The following POTEC variants were observed in gnomAD, a reference collection of about 807,000 sequenced individuals.
The protein encoded by POTEC is ANKRD26-like family B member 2.
Under a neutral mutation model 62.0 loss-of-function variants are expected in POTEC, and 35 were observed. That is an observed-to-expected ratio of 0.56 (90% CI 0.43 to 0.75). The LOEUF is 0.75. Among genes scored for constraint, POTEC ranks in the 30% least tolerant of loss-of-function variants. The pLI, the probability that POTEC is intolerant of heterozygous loss-of-function variation, is 0.00. For missense variants in POTEC, 472 were observed against 655.9 expected (o/e 0.72, Z 3.06); for synonymous variants, 156 against 221.5 (o/e 0.70, Z 2.62).
At chr18:14,518,523 C>A (rs1279925349) in intron 9 of POTEC, among the ~76,000 whole-genome samples, 1 of 147,568 alleles carries the variant, frequency 6.8e-6, no homozygotes, top group Non-Finnish European at 1.5e-5. Context: ...TGATAAATCA[C>A]TTTGTTTCAC....
intron 7 of POTEC, among the ~76,000 whole-genome samples, chr18:14,523,814 T>G (rs1396932230): frequency 6.6e-6 from 1 of 152,132 alleles, no homozygotes; most frequent in African/African-American, 2.4e-5. Context: ...TTGTTACCAT[T>G]TGTTTGGACT....
intron 1 of POTEC, among the ~76,000 whole-genome samples, chr18:14,539,345 G>T (rs1272410770): frequency 2.0e-5 from 3 of 151,680 alleles, no homozygotes; most frequent in Non-Finnish European, 4.4e-5. Flanking sequence ...TGTGCCAAGG[G>T]GGTTGGTTGT....
intron 1 of POTEC, among the ~76,000 whole-genome samples, chr18:14,539,670 A>C (rs1245934910): frequency 6.6e-6 from 1 of 151,502 alleles, no homozygotes; most frequent in Admixed American, 6.6e-5. Flanking sequence ...TTAAGTTCTT[A>C]AAACAGCTAA....
chr18:14,533,966 C>T (rs1246992036), intron 4 of POTEC, among the ~76,000 whole-genome samples: 3 of 148,208 alleles, frequency 2.0e-5, no homozygotes, highest in East Asian at 4.0e-4. Flanking sequence ...GGTACATGTG[C>T]ACATTGTGCA....
intron 3 of POTEC, among the ~76,000 whole-genome samples, chr18:14,537,255 C>T (rs1905773943): frequency 6.8e-6 from 1 of 148,062 alleles, no homozygotes; most frequent in Admixed American, 6.8e-5. Context: ...GGTCTTTTCC[C>T]CCATTACCTA....
chr18:14,512,056 A>G (rs1338043156), intron 10 of POTEC, 63 bp from the exon 11 acceptor site: 11 of 1,270,258 alleles, frequency 8.7e-6, no homozygotes, highest in Non-Finnish European at 1.1e-5. Context: ...GATTTCTTCT[A>G]AAATTAAAGA....
intron 6 of POTEC, chr18:14,527,884 A>C (rs1910478379): frequency 6.6e-6 from 1 of 152,226 alleles, no homozygotes; most frequent in Non-Finnish European, 1.5e-5. Context: ...TACTAGTCCA[A>C]GGGTGTGTGA....
chr18:14,514,105 G>C (rs1226225758), intron 9 of POTEC, among the ~76,000 whole-genome samples: 2 of 151,736 alleles, frequency 1.3e-5, no homozygotes, highest in Non-Finnish European at 2.9e-5. Flanking sequence ...CCATCATGTA[G>C]AATCAGTGGG....
chr18:14,508,263 C>T lies in POTEC; in HGVS notation c.*3635G>A, dbSNP rs1463030556. On this transcript the variant is annotated 3_prime_UTR_variant, in exon 11 of 11. Coordinates refer to ENST00000358970, the MANE Select transcript of POTEC (RefSeq NM_001137671.2). ...ATTTCTCGGATGTTTTGTTCATTCC[C>T]TTTCATTCTTTTTTCCCCCATTCTT... 6.6e-6 allele frequency: 1 copy of T among 152,588 alleles called. No individual in the cohort carries two copies. Among genetic ancestry groups the T allele is most frequent in the Non-Finnish European group, 1.5e-5 (1 of 68,028 alleles). 9.5% of individuals were successfully genotyped at this position (152,588 alleles called of 1,614,324 possible). A position where few individuals can be genotyped will look rare whatever the true frequency, so the allele number is the denominator to read the frequency against.
At chr18:14,533,906 T>TTTTTTG (rs1905615973) in intron 4 of POTEC, among the ~76,000 whole-genome samples, 1 of 151,942 alleles carries the variant, frequency 6.6e-6, no homozygotes, top group Non-Finnish European at 1.5e-5. Flanking sequence ...AGCTAGTTTT[T>TTTTTTG]TTTTTGTTTT....
At chr18:14,532,593 T>TC (rs774372909) in intron 5 of POTEC, among the ~76,000 whole-genome samples, 7 of 152,212 alleles carry the variant, frequency 4.6e-5, no homozygotes, top group Admixed American at 1.3e-4. Context: ...TCCTTTTTTT[T>TC]CTCCTCCTTC....
intron 9 of POTEC, among the ~76,000 whole-genome samples, chr18:14,516,186 C>T (rs1416845003): frequency 6.7e-6 from 1 of 149,130 alleles, no homozygotes; most frequent in Non-Finnish European, 1.5e-5. Context: ...CAAAAGAAAT[C>T]ATACTCTCAA....
chr18:14,522,540 A>C, intron 8 of POTEC, 120 bp from the exon 9 acceptor site: 1 of 1,502,022 alleles, frequency 6.7e-7, no homozygotes. Flanking sequence ...AATATCTCAC[A>C]CTTAAATTTG....
At chr18:14,522,667 T>C (rs1346627675) in intron 8 of POTEC, among the ~76,000 whole-genome samples, 1 of 152,122 alleles carries the variant, frequency 6.6e-6, no homozygotes, top group African/African-American at 2.4e-5. Context: ...TAAAACAGAA[T>C]TTTCCAAAAT....
intron 9 of POTEC, among the ~76,000 whole-genome samples, chr18:14,521,290 A>G (rs995734138): frequency 1.3e-5 from 2 of 152,158 alleles, no homozygotes; most frequent in African/African-American, 4.8e-5. Flanking sequence ...CAGATATTAC[A>G]AGAATTCTAA....
intron 6 of POTEC, among the ~76,000 whole-genome samples, chr18:14,529,727 G>A (rs969237432): frequency 6.6e-6 from 1 of 152,032 alleles, no homozygotes; most frequent in African/African-American, 2.4e-5. Flanking sequence ...CAAGACAATT[G>A]ACCAGCAGGT....
chr18:14,512,046 G>A (rs1910022910), intron 10 of POTEC, 53 bp from the exon 11 acceptor site: 1 of 1,339,556 alleles, frequency 7.5e-7, no homozygotes, highest in Non-Finnish European at 1.0e-6. Flanking sequence ...GACATATCAT[G>A]ATTTCTTCTA....
At chr18:14,516,335 TACCTATAC>T (rs1910157607) in intron 9 of POTEC, among the ~76,000 whole-genome samples, 1 of 69,964 alleles carries the variant, frequency 1.4e-5, no homozygotes, top group East Asian at 4.3e-4. Context: ...TATATATATA[TACCTATAC>T]CTGAGACTGG....
rs1402589784 is a variant in POTEC, at chr18:14,538,189, G to A, written c.582C>T (p.Asp194=). 6 of 1,611,270 alleles carry A rather than the reference G, an allele frequency of 3.7e-6. No individual in the cohort carries two copies. The highest frequency in any genetic ancestry group is 1.3e-5 in the African/African-American group (1 of 74,816). ...CAAGGACATTAAGTTGACATCGTCT[G>A]TCCAGCAGGAGTTGTACTACTTCTG... The part of the protein sequence containing the change: ...GNSEVVQLLL[D]RRCQLNVLDN... The change falls in exon 2 of 11, where the codon GAC becomes GAT. Residue 194 remains aspartate (D), a synonymous_variant. Transcript: ENST00000358970.
Sources: allele counts gnomAD v4.1 joint callset (sites outside exome capture counted in the v4.1 genomes callset), GRCh38; gene constraint gnomAD v4.1.1; transcripts MANE v1.5; gene names NCBI Gene and HGNC (gene_info 2026-07-23, HGNC 2026-07-21).